MICU1: variants seen among roughly 807,000 people sequenced by gnomAD.
MICU1 encodes calcium uptake protein 1, mitochondrial.
In MICU1, 45 loss-of-function variants were observed where a neutral mutation model predicts 56.8. The observed-to-expected ratio is 0.79, with a 90% CI of 0.62 to 1.02. MICU1 has a LOEUF of 1.02. MICU1 is among the 50% of genes least tolerant of loss of function. MICU1 has a pLI of 0.00. For synonymous variants in MICU1, 186 were observed against 195.1 expected, an observed-to-expected ratio of 0.95 and a Z score of 0.39; for missense variants, 504 against 587.1, an observed-to-expected ratio of 0.86 and a Z score of 1.46.
intron 5 of MICU1, among the ~76,000 whole-genome samples, chr10:72,514,624 T>C (rs1023120322): frequency 9.2e-5 from 14 of 152,210 alleles, no homozygotes; most frequent in Non-Finnish European, 1.9e-4. Flanking sequence ...TTTCCTTAAA[T>C]GCCTGGAGCG....
intron 6 of MICU1, among the ~76,000 whole-genome samples, chr10:72,492,366 G>A (rs1395044853): frequency 2.0e-5 from 3 of 152,204 alleles, no homozygotes; most frequent in Non-Finnish European, 2.9e-5. Context: ...GACATGGGTA[G>A]TAGTAGCGAG....
intron 8 of MICU1, among the ~76,000 whole-genome samples, chr10:72,441,423 A>T (rs1262120080): frequency 6.6e-6 from 1 of 151,170 alleles, no homozygotes; most frequent in Non-Finnish European, 1.5e-5. Flanking sequence ...GGGGCTGGGG[A>T]AGGGTTAGCA....
At chr10:72,543,133 T>C (rs1327514660) in intron 4 of MICU1, among the ~76,000 whole-genome samples, 1 of 152,168 alleles carries the variant, frequency 6.6e-6, no homozygotes, top group Non-Finnish European at 1.5e-5. Flanking sequence ...AGTTCTCACT[T>C]TGGGCTGCAG....
chr10:72,458,889 T>TGTA (rs11431786), intron 8 of MICU1, among the ~76,000 whole-genome samples: 4 of 89,106 alleles, frequency 4.5e-5, no homozygotes, highest in African/African-American at 2.1e-4. Flanking sequence ...ATTTTTTTTT[T>TGTA]TTTTTTTTGT....
intron 8 of MICU1, among the ~76,000 whole-genome samples, chr10:72,450,653 T>C (rs1427279877): frequency 6.6e-6 from 1 of 152,174 alleles, no homozygotes; most frequent in African/African-American, 2.4e-5. Flanking sequence ...CTTGCAGGTC[T>C]TTCTCTTGCT....
At chr10:72,591,381 G>C (rs1188943202) in intron 1 of MICU1, among the ~76,000 whole-genome samples, 1 of 151,632 alleles carries the variant, frequency 6.6e-6, no homozygotes, top group African/African-American at 2.4e-5. Flanking sequence ...ATAATGATTA[G>C]AGCAGAAATG....
chr10:72,561,476 CT>C (rs1425125693), intron 3 of MICU1, among the ~76,000 whole-genome samples: 1 of 152,166 alleles, frequency 6.6e-6, no homozygotes, highest in African/African-American at 2.4e-5. Flanking sequence ...TTCAATTCAC[CT>C]CTATCAGAAA....
intron 5 of MICU1, among the ~76,000 whole-genome samples, chr10:72,520,242 A>G (rs1867776292): frequency 6.6e-6 from 1 of 152,110 alleles, no homozygotes; most frequent in Non-Finnish European, 1.5e-5. Flanking sequence ...TAATGCTTAC[A>G]CTTCATTATC....
intron 8 of MICU1, among the ~76,000 whole-genome samples, chr10:72,470,514 G>T (rs1263795626): frequency 6.6e-6 from 1 of 152,112 alleles, no homozygotes; most frequent in Non-Finnish European, 1.5e-5. Flanking sequence ...AAGCAAACAT[G>T]TAAGACAGAG....
chr10:72,484,865 C>T (rs1866415310), intron 6 of MICU1, among the ~76,000 whole-genome samples: 1 of 152,200 alleles, frequency 6.6e-6, no homozygotes, highest in Admixed American at 6.5e-5. Context: ...ATCCACATAA[C>T]CTTCCTAATA....
chr10:72,517,422 C>T (rs983455056), intron 5 of MICU1, among the ~76,000 whole-genome samples: 3 of 110,068 alleles, frequency 2.7e-5, no homozygotes, highest in Non-Finnish European at 8.0e-5. Flanking sequence ...AATATGCATA[C>T]GATGGAATAC....
intron 1 of MICU1, among the ~76,000 whole-genome samples, chr10:72,604,271 C>CTTT (rs869141348): frequency 5.4e-5 from 7 of 128,728 alleles, no homozygotes; most frequent in Non-Finnish European, 9.7e-5. Context: ...CTTTCCTGCC[C>CTTT]TTTTTTTTTT....
chr10:72,544,012 T>C (rs952883728), intron 4 of MICU1, among the ~76,000 whole-genome samples: 5 of 152,222 alleles, frequency 3.3e-5, no homozygotes, highest in Non-Finnish European at 5.9e-5. Flanking sequence ...AGCTCGGCGC[T>C]GTGCCCTGGG....
Position 72,475,059 on chromosome 10 carries a change from T to C in MICU1, c.933+41A>G, listed in dbSNP as rs915432. ...TAGTACAGGCCCTCCTGCCCATCAG[T>C]TCCACATGTGATGGATCTACTGAGT... is the stretch of plus-strand genomic sequence containing the variant. On this transcript the variant is annotated intron_variant, in intron 8 of 11. Coordinates refer to ENST00000361114, the MANE Select transcript of MICU1 (RefSeq NM_001195518.2). 1,022,700 of 1,550,644 alleles carry C rather than the reference T, an allele frequency of 0.66. 345,044 individuals carry two copies. The highest frequency in any genetic ancestry group is 0.82 in the African/African-American group (60,931 of 74,022).
At chr10:72,507,299 A>G (rs1255704620) in intron 6 of MICU1, among the ~76,000 whole-genome samples, 3 of 152,190 alleles carry the variant, frequency 2.0e-5, no homozygotes, top group Admixed American at 1.3e-4. Flanking sequence ...AATGGTTAAA[A>G]AAAGTCACAT....
chr10:72,577,726 T>A (rs531602818), intron 1 of MICU1, among the ~76,000 whole-genome samples: 75 of 152,212 alleles, frequency 4.9e-4, no homozygotes, highest in South Asian at 3.9e-3. Context: ...ATTAAAAAAA[T>A]TTTTTTTAAA....
At chr10:72,584,584 G>A (rs933613199) in intron 1 of MICU1, among the ~76,000 whole-genome samples, 2 of 150,426 alleles carry the variant, frequency 1.3e-5, no homozygotes, top group African/African-American at 4.9e-5. Flanking sequence ...ACAGGGTCTC[G>A]CTCTGTTGCC....
intron 8 of MICU1, among the ~76,000 whole-genome samples, chr10:72,424,869 A>T (rs547176376): frequency 6.6e-6 from 1 of 152,354 alleles, no homozygotes; most frequent in African/African-American, 2.4e-5. Context: ...CATTTAAATG[A>T]GACACAAAAC....
intron 6 of MICU1, among the ~76,000 whole-genome samples, chr10:72,497,437 TAAGCCGAGGGTTTAAATGA>T (rs1866884655): frequency 6.6e-6 from 1 of 152,140 alleles, no homozygotes; most frequent in Non-Finnish European, 1.5e-5. Context: ...CAAACACTAT[TAAGCCGAGGGTTTAAATGA>T]AAGGTCCAGC....
Sources: allele counts gnomAD v4.1 joint callset (sites outside exome capture counted in the v4.1 genomes callset), GRCh38; gene constraint gnomAD v4.1.1; transcripts MANE v1.5; gene names NCBI Gene and HGNC (gene_info 2026-07-23, HGNC 2026-07-21).